Variants in ALK observed in about 807,000 individuals in gnomAD.
ALK encodes the protein ALK tyrosine kinase receptor.
In ALK, 74 loss-of-function variants were observed where a neutral mutation model predicts 163.1. That is an observed-to-expected ratio of 0.45 (90% CI 0.38 to 0.55). The LOEUF is 0.55. ALK is among the 20% of genes least tolerant of loss of function. ALK has a pLI of 0.00. For synonymous variants in ALK, 960 were observed against 843.2 expected (o/e 1.14, Z -2.40); for missense variants, 2,063 against 2,105.3 (o/e 0.98, Z 0.39).
intron 3 of ALK, among the ~76,000 whole-genome samples, chr2:29,685,156 C>T (rs1298483546): frequency 6.6e-6 from 1 of 152,150 alleles, no homozygotes; most frequent in East Asian, 1.9e-4. Flanking sequence ...GGAAACGGGG[C>T]TCATTTATGA....
intron 1 of ALK, among the ~76,000 whole-genome samples, chr2:29,845,335 T>G (rs1205750358): frequency 6.6e-6 from 1 of 152,220 alleles, no homozygotes; most frequent in Non-Finnish European, 1.5e-5. Flanking sequence ...TAATAGGGAC[T>G]CTGTAAATAA....
chr2:29,218,462 T>C (rs1302185769), intron 23 of ALK, among the ~76,000 whole-genome samples: 1 of 151,798 alleles, frequency 6.6e-6, no homozygotes, highest in Non-Finnish European at 1.5e-5. Flanking sequence ...AGAGAGAGAA[T>C]GATCTGCCTT....
intron 11 of ALK, among the ~76,000 whole-genome samples, chr2:29,272,177 C>T (rs10186533): frequency 1.0e-5 from 1 of 100,170 alleles, no homozygotes; most frequent in Non-Finnish European, 2.2e-5. Context: ...AGGAGGGAGT[C>T]GGGTGAGGGA....
chr2:29,450,199 C>A (rs759055355), intron 4 of ALK, among the ~76,000 whole-genome samples: 3 of 152,162 alleles, frequency 2.0e-5, no homozygotes, highest in Admixed American at 2.0e-4. Flanking sequence ...AATAGAAACA[C>A]ATGGGACGCC....
chr2:29,508,475 T>G (rs1469858141), intron 4 of ALK, among the ~76,000 whole-genome samples: 1 of 151,876 alleles, frequency 6.6e-6, no homozygotes, highest in African/African-American at 2.4e-5. Context: ...GTGTTCTCAC[T>G]CATAGGTGGG....
At chr2:29,504,947 G>T (rs892677455) in intron 4 of ALK, among the ~76,000 whole-genome samples, 1 of 152,196 alleles carries the variant, frequency 6.6e-6, no homozygotes, top group African/African-American at 2.4e-5. Context: ...GAGGCATGGG[G>T]TGAGTCCAGG....
Position 29,571,542 on chromosome 2 carries a change from G to A in ALK, c.953-39426C>T, listed in dbSNP as rs532162738. Among the ~76,000 whole-genome samples, 137 of 147,464 alleles carry A rather than the reference G, an allele frequency of 9.3e-4. 2 individuals are homozygous for A. The South Asian group carries it at 0.029, about 31-fold the overall frequency. Reference sequence around the variant, plus strand: ...AGTTTCCTGAGGCCTCCCCAGCCATGTGGAACTGTGAGTCAATTAAACCTC... The same window carrying A: ...AGTTTCCTGAGGCCTCCCCAGCCATATGGAACTGTGAGTCAATTAAACCTC... On this transcript the variant is annotated intron_variant, in intron 3 of 28. Coordinates refer to ENST00000389048, the MANE Select transcript of ALK (RefSeq NM_004304.5).
intron 2 of ALK, among the ~76,000 whole-genome samples, chr2:29,714,032 C>T (rs1679179983): frequency 6.6e-6 from 1 of 151,976 alleles, no homozygotes; most frequent in Non-Finnish European, 1.5e-5. Context: ...CTTTCAAAAC[C>T]CCCGGTGGCC....
At chr2:29,380,723 C>A (rs570045555) in intron 5 of ALK, among the ~76,000 whole-genome samples, 1 of 152,170 alleles carries the variant, frequency 6.6e-6, no homozygotes, top group Non-Finnish European at 1.5e-5. Context: ...CATTAGCCAC[C>A]GTGCCTGGCC....
intron 3 of ALK, among the ~76,000 whole-genome samples, chr2:29,655,227 G>A (rs930994958): frequency 2.0e-5 from 3 of 152,076 alleles, no homozygotes; most frequent in African/African-American, 2.4e-5. Flanking sequence ...TGGCAATACT[G>A]GGGTATTATA....
chr2:29,369,144 T>C (rs1244405303), intron 5 of ALK, among the ~76,000 whole-genome samples: 1 of 152,204 alleles, frequency 6.6e-6, no homozygotes, highest in Non-Finnish European at 1.5e-5. Context: ...CTTATCTACC[T>C]AGAGCCTTGC....
At chr2:29,823,153 CT>C (rs1030750257) in intron 1 of ALK, among the ~76,000 whole-genome samples, 1 of 152,124 alleles carries the variant, frequency 6.6e-6, no homozygotes, top group African/African-American at 2.4e-5. Flanking sequence ...TGCACAAATT[CT>C]TTTTTTGCCT....
At chr2:29,893,881 C>T (rs1667206143) in intron 1 of ALK, among the ~76,000 whole-genome samples, 1 of 152,050 alleles carries the variant, frequency 6.6e-6, no homozygotes, top group Non-Finnish European at 1.5e-5. Context: ...TGACCTTGAG[C>T]AAGGTAAACT....
chr2:29,691,256 C>G (rs928017185), intron 3 of ALK, among the ~76,000 whole-genome samples: 4 of 152,216 alleles, frequency 2.6e-5, no homozygotes, highest in Non-Finnish European at 4.4e-5. Flanking sequence ...AGGCTGACCT[C>G]CTCATTTCCG....
intron 1 of ALK, among the ~76,000 whole-genome samples, chr2:29,775,136 G>T (rs1681136933): frequency 6.6e-6 from 1 of 152,080 alleles, no homozygotes; most frequent in African/African-American, 2.4e-5. Context: ...TAAGCACAAG[G>T]TCCCCTTTGA....
At chr2:29,811,634 A>G (rs1664763485) in intron 1 of ALK, among the ~76,000 whole-genome samples, 1 of 152,190 alleles carries the variant, frequency 6.6e-6, no homozygotes, top group South Asian at 2.1e-4. Context: ...TGCCAAAGGC[A>G]TGACTCTAAA....
At chr2:29,907,954 C>G (rs1452387263) in intron 1 of ALK, among the ~76,000 whole-genome samples, 1 of 152,130 alleles carries the variant, frequency 6.6e-6, no homozygotes, top group Admixed American at 6.5e-5. Flanking sequence ...ACTTTTGACT[C>G]CTTCTCATTT....
intron 1 of ALK, among the ~76,000 whole-genome samples, chr2:29,885,768 G>C (rs1018783479): frequency 1.3e-5 from 2 of 152,064 alleles, no homozygotes; most frequent in African/African-American, 2.4e-5. Flanking sequence ...CCAGAAAAAG[G>C]GTTCTAATTA....
chr2:29,353,884 A>G (rs1266657732), intron 5 of ALK, among the ~76,000 whole-genome samples: 1 of 152,162 alleles, frequency 6.6e-6, no homozygotes, highest in African/African-American at 2.4e-5. Flanking sequence ...CATAAGGAAA[A>G]CCTTGGTACT....
Sources: gnomAD v4.1 joint callset for allele counts (sites outside exome capture counted in the v4.1 genomes callset) on GRCh38, gnomAD v4.1.1 for gene constraint, MANE v1.5 for transcripts, NCBI Gene and HGNC (gene_info 2026-07-23, HGNC 2026-07-21) for gene names.